DMD: variants seen among roughly 807,000 people sequenced by gnomAD.
DMD encodes mutant dystrophin.
In DMD, 63 loss-of-function variants were observed where a neutral mutation model predicts 330.1. The ratio of observed to expected loss-of-function variants is 0.19; its 90% confidence interval spans 0.16 to 0.24. DMD has a LOEUF of 0.24. Among genes scored for constraint, DMD ranks in the 10% least tolerant of loss-of-function variants. The probability of loss-of-function intolerance (pLI) is 1.00; values close to 1 mark genes in which losing one functional copy is unlikely to be tolerated. For synonymous variants in DMD, 1,223 were observed against 959.8 expected (o/e 1.27, Z -5.07); for missense variants, 3,344 against 2,684.1 (o/e 1.25, Z -5.43).
At chrX:31,305,806 G>A (rs2054981645) in intron 62 of DMD, among the ~76,000 whole-genome samples, 1 of 112,331 alleles carries the variant, frequency 8.9e-6, no homozygotes, top group Non-Finnish European at 1.9e-5. Context: ...TTTCCTCTTT[G>A]GAGTTGCAGA....
intron 60 of DMD, among the ~76,000 whole-genome samples, chrX:31,388,393 G>T (rs776770914): frequency 9.0e-6 from 1 of 110,592 alleles, no homozygotes; most frequent in Non-Finnish European, 1.9e-5. Context: ...CTAAAATGGC[G>T]CCTGGCATAT....
At chrX:32,213,837 G>C (rs1026508028) in intron 44 of DMD, among the ~76,000 whole-genome samples, 2 of 110,254 alleles carry the variant, frequency 1.8e-5, no homozygotes, top group African/African-American at 6.6e-5. Flanking sequence ...AGCCAGGTGT[G>C]GGGGTGGGCA....
intron 30 of DMD, among the ~76,000 whole-genome samples, chrX:32,394,212 AT>A (rs1221948372): frequency 8.9e-6 from 1 of 112,207 alleles, no homozygotes; most frequent in Non-Finnish European, 1.9e-5. Context: ...CCAACGGAAA[AT>A]ATCAACAGGA....
chrX:32,467,008 T>A (rs779386854), intron 23 of DMD, among the ~76,000 whole-genome samples: 1 of 112,087 alleles, frequency 8.9e-6, no homozygotes. Context: ...GGCTCCTTGA[T>A]AACAAGAGCC....
At chrX:33,073,519 G>A (rs2094791047) in intron 1 of DMD, among the ~76,000 whole-genome samples, 1 of 111,404 alleles carries the variant, frequency 9.0e-6, no homozygotes, top group Non-Finnish European at 1.9e-5. Flanking sequence ...ACTATACCAA[G>A]CCATGAGTTA....
intron 2 of DMD, among the ~76,000 whole-genome samples, chrX:32,853,456 C>T (rs1233479106): frequency 1.8e-5 from 2 of 111,423 alleles, no homozygotes; most frequent in African/African-American, 3.3e-5. Flanking sequence ...TTAAAAGAGA[C>T]GAAGTTTGAG....
rs188571748 is a variant in DMD, at chrX:32,252,803, T to A, written c.6290+34726A>T. ...ATATAAATATATATAAATATATATA[T>A]AAATATATATAAGTATATAAATATA... On this transcript the variant is annotated intron_variant, in intron 43 of 78. Transcript: ENST00000357033. 1.7e-3 allele frequency among the ~76,000 whole-genome samples: 104 copies of A among 60,682 alleles called. 10 individuals are homozygous for A. Among genetic ancestry groups the A allele is most frequent in the African/African-American group, 6.7e-3 (87 of 12,967 alleles). The allele number at this position is 60,682 out of a possible 115,157, so 52.7% of individuals were successfully genotyped here.
intron 7 of DMD, among the ~76,000 whole-genome samples, chrX:32,774,280 A>G (rs1359407607): frequency 8.9e-6 from 1 of 112,164 alleles, no homozygotes; most frequent in Admixed American, 9.5e-5. Flanking sequence ...ACCGGAGGGA[A>G]AGAAACAATT....
At chrX:31,156,065 C>T (rs1283817955) in intron 74 of DMD, among the ~76,000 whole-genome samples, 3 of 110,983 alleles carry the variant, frequency 2.7e-5, no homozygotes, top group African/African-American at 9.8e-5. Flanking sequence ...TTCAAAAATA[C>T]CCCTAAACTA....
chrX:32,063,187 A>AGCACACACACACACAC (rs2096239389), intron 44 of DMD, among the ~76,000 whole-genome samples: 1 of 100,747 alleles, frequency 9.9e-6, no homozygotes, highest in Admixed American at 1.1e-4. Flanking sequence ...AAGTATGTCT[A>AGCACACACACACACAC]ACACACACAC....
At chrX:31,292,912 GT>G (rs1175541872) in intron 62 of DMD, among the ~76,000 whole-genome samples, 1 of 110,994 alleles carries the variant, frequency 9.0e-6, no homozygotes, top group Non-Finnish European at 1.9e-5. Flanking sequence ...CAACCATAGT[GT>G]TATAAGGCAG....
intron 25 of DMD, among the ~76,000 whole-genome samples, chrX:32,455,201 T>A (rs761724313): frequency 2.0e-4 from 22 of 111,566 alleles, no homozygotes; most frequent in Non-Finnish European, 4.2e-4. Context: ...CTTTGTGTTC[T>A]TTCATAATGT....
intron 1 of DMD, among the ~76,000 whole-genome samples, chrX:33,139,885 A>T (rs201985377): frequency 0.11 from 11,093 of 102,500 alleles, 621 homozygotes; most frequent in East Asian, 0.32. Context: ...AAAAAAAAAA[A>T]AAAAAAAAAA....
chrX:32,807,602 C>T (rs1355251725), intron 7 of DMD, among the ~76,000 whole-genome samples: 1 of 111,452 alleles, frequency 9.0e-6, no homozygotes, highest in Non-Finnish European at 1.9e-5. Context: ...TTAGGTATAC[C>T]AGGCTCTTTT....
At chrX:31,473,450 G>A (rs1158374793) in intron 59 of DMD, among the ~76,000 whole-genome samples, 4 of 101,711 alleles carry the variant, frequency 3.9e-5, no homozygotes, top group South Asian at 4.5e-4. Flanking sequence ...GGCCGGGAGC[G>A]GTGGCTCACG....
At chrX:32,199,780 T>TGTGTG in intron 44 of DMD, among the ~76,000 whole-genome samples, 1 of 84,137 alleles carries the variant, frequency 1.2e-5, no homozygotes, top group East Asian at 4.0e-4. Context: ...CGCAAGGCTT[T>TGTGTG]TGTGTGTGTG....
chrX:32,309,335 A>C (rs943159322), intron 42 of DMD, among the ~76,000 whole-genome samples: 1 of 111,468 alleles, frequency 9.0e-6, no homozygotes, highest in East Asian at 2.8e-4. Flanking sequence ...GCATTTGAAA[A>C]TACCAAGCTC....
At chrX:31,934,185 A>G (rs920374731) in intron 45 of DMD, among the ~76,000 whole-genome samples, 19 of 111,996 alleles carry the variant, frequency 1.7e-4, no homozygotes, top group African/African-American at 6.2e-4. Context: ...AGAGAAGATA[A>G]TGATCTGAGT....
At chrX:32,161,018 A>T (rs929546601) in intron 44 of DMD, among the ~76,000 whole-genome samples, 4 of 111,362 alleles carry the variant, frequency 3.6e-5, no homozygotes, top group African/African-American at 1.3e-4. Context: ...ACTCACAAAG[A>T]CTTGGTGTGA....
Sources: allele counts gnomAD v4.1 joint callset (sites outside exome capture counted in the v4.1 genomes callset), GRCh38; gene constraint gnomAD v4.1.1; transcripts MANE v1.5; gene names NCBI Gene and HGNC (gene_info 2026-07-23, HGNC 2026-07-21).